The following ZNF880 variants were observed in gnomAD, a reference collection of about 807,000 sequenced individuals.
The protein encoded by ZNF880 is zinc finger protein LOC400713.
Under a neutral mutation model 11.8 loss-of-function variants are expected in ZNF880, and 12 were observed. The ratio of observed to expected loss-of-function variants is 1.02; its 90% confidence interval spans 0.65 to 1.65. The LOEUF (loss-of-function observed/expected upper bound fraction) is 1.65, where lower values mean the gene tolerates loss of function less well. ZNF880 is among the 40% of genes most tolerant of loss of function. The pLI is 0.00. For synonymous variants in ZNF880, 210 were observed against 232.4 expected (o/e 0.90, Z 0.88); for missense variants, 601 against 673.9 (o/e 0.89, Z 1.20).
Position 52,385,330 on chromosome 19 carries a change from A to T in ZNF880, c.*16A>T. The stretch of plus-strand genomic sequence containing the variant: ...GTACAGATGAAATGTGTGTGGTAAG[A>T]TCTTTAGTAATAATTCACACCTTGC... On this transcript the variant is annotated 3_prime_UTR_variant, in exon 4 of 4. Transcript: ENST00000422689. 6.5e-7 allele frequency: 1 copy of T among 1,546,652 alleles called. No homozygotes were observed. The highest frequency in any genetic ancestry group is 8.7e-7 in the Non-Finnish European group (1 of 1,143,130).
At chr19:52,369,867 G>A, upstream of ZNF880, 3 of 1,483,154 alleles carry the variant, frequency 2.0e-6, no homozygotes, top group Non-Finnish European at 2.8e-6. Context: ...GGGAAGCGCA[G>A]GCTCCGCCCA....
At chr19:52,373,419 C>T (rs1340230267) in intron 2 of ZNF880, among the ~76,000 whole-genome samples, 182 bp downstream of exon 2, 1 of 152,068 alleles carries the variant, frequency 6.6e-6, no homozygotes, top group African/African-American at 2.4e-5. Context: ...CAATAAGCTC[C>T]ATAATACTTT....
In ZNF880 at chr19:52,383,848, G is replaced by A. The variant is rs1232200751; in HGVS notation, c.269-1G>A. On this transcript the variant is annotated splice_acceptor_variant, in intron 3 of 3. Coordinates refer to ENST00000422689, the MANE Select transcript of ZNF880 (RefSeq NM_001145434.2). LOFTEE classifies it high-confidence loss of function. ...GTTCCACTTTTTTCTTTCTTTTTTA[G>A]AGAGCAGCTCTAAATTGGGAAGCAA... 1 of 1,524,954 alleles carries A rather than the reference G, an allele frequency of 6.6e-7. No individual in the cohort carries two copies. The highest frequency in any genetic ancestry group is 8.8e-7 in the Non-Finnish European group (1 of 1,138,700). The allele number at this position is 1,524,954 out of a possible 1,614,324, so 94.5% of individuals were successfully genotyped here. A position where few individuals can be genotyped will look rare whatever the true frequency, so the allele number is the denominator to read the frequency against.
the ZNF880 span, chr19:52,391,577 G>A: frequency 1.3e-5 from 2 of 152,096 alleles, no homozygotes; most frequent in Non-Finnish European, 2.9e-5. Flanking sequence ...ACAGTAATGA[G>A]GAAAGAGGGG....
rs1327569672 is a variant in ZNF880 at position 52,385,176 on chromosome 19, G to A, written c.1596G>A (p.Lys532=). 3 of 1,552,656 alleles carry A rather than the reference G, an allele frequency of 1.9e-6. No homozygotes were observed. The highest frequency in any genetic ancestry group is 2.4e-5 in the South Asian group (2 of 84,202). ...CNECGKVFSH[K]LYLKKHERIH... ...AATGTGGCAAGGTCTTCAGCCACAA[G>A]TTATACCTAAAAAAACATGAGAGAA... The change falls in exon 4 of 4, where the codon AAG becomes AAA. Residue 532 remains lysine (K), a synonymous_variant. Coordinates refer to ENST00000422689, the MANE Select transcript of ZNF880 (RefSeq NM_001145434.2).
Position 52,370,440 on chromosome 19 carries a change from A to G in ZNF880, c.12+463A>G, listed in dbSNP as rs531646455. 136 of 161,170 alleles carry G rather than the reference A, an allele frequency of 8.4e-4. 1 individual carries two copies. The highest frequency in any genetic ancestry group is 3.0e-3 in the African/African-American group (127 of 41,882). 10.0% of individuals were successfully genotyped at this position (161,170 alleles called of 1,614,324 possible). ...GGCTTTTGCTAACACCTAAATAAATATTTAGTGGACAAAATTAGGTTAGTG... is the reference window on the plus strand; with the variant it reads ...GGCTTTTGCTAACACCTAAATAAATGTTTAGTGGACAAAATTAGGTTAGTG... On this transcript the variant is annotated intron_variant, in intron 1 of 3. Transcript: ENST00000422689.
chr19:52,375,110 T>G (rs1382016580), intron 3 of ZNF880, among the ~76,000 whole-genome samples: 1 of 152,038 alleles, frequency 6.6e-6, no homozygotes, highest in Non-Finnish European at 1.5e-5. Flanking sequence ...TTTGTTTGCT[T>G]GTTTGTTTTT....
downstream of ZNF880, among the ~76,000 whole-genome samples, chr19:52,386,783 CAA>C (rs1384676727): frequency 4.5e-5 from 4 of 89,200 alleles, no homozygotes; most frequent in Admixed American, 2.8e-4. Context: ...GCCTGGGTGA[CAA>C]GAGCAAAACT....
At chr19:52,375,344 G>A (rs1271995674) in intron 3 of ZNF880, among the ~76,000 whole-genome samples, 2 of 151,034 alleles carry the variant, frequency 1.3e-5, no homozygotes, top group African/African-American at 4.9e-5. Context: ...GCACCACCAA[G>A]CCTGGCTAAT....
intron 2 of ZNF880, among the ~76,000 whole-genome samples, 174 bp downstream of exon 2, chr19:52,373,411 A>G (rs943817254): frequency 2.6e-5 from 4 of 152,270 alleles, no homozygotes; most frequent in African/African-American, 7.2e-5. Flanking sequence ...TTCAGAAACA[A>G]TAAGCTCCAT....
chr19:52,384,639 ATG>A lies in ZNF880; in HGVS notation c.1061_1062del (p.Cys354Ter), dbSNP rs1376783811. 6.2e-7 allele frequency: 1 copy of A among 1,611,900 alleles called. No individual in the cohort carries two copies. Among genetic ancestry groups the A allele is most frequent in the Non-Finnish European group, 8.5e-7 (1 of 1,178,938 alleles). On this transcript the variant is annotated frameshift_variant, in exon 4 of 4. Coordinates refer to ENST00000422689, the MANE Select transcript of ZNF880 (RefSeq NM_001145434.2). LOFTEE classifies it low-confidence loss of function (END_TRUNC). The stretch of plus-strand genomic sequence containing the variant: ...TTCACACTGGAGAGAAACTTTACAA[ATG>A]TAATAAATGTGGCAAGGTCTTCAAT... ...VIHTGEKLYK[C>X]NKCGKVFNRN...
chr19:52,384,475 A>G lies in ZNF880; in HGVS notation c.895A>G (p.Asn299Asp). The change falls in exon 4 of 4, where the codon AAT (asparagine) becomes GAT (aspartate). Residue 299 changes from asparagine (N) to aspartate (D), a missense_variant. Physicochemically the swap from Asn to Asp is conservative, Grantham distance 23. Around this residue, in one of 3 missense-constraint regions of ZNF880, gnomAD observed 420 missense variants for 442.6 expected, o/e 0.95. Transcript: ENST00000422689. Reference sequence around the variant, plus strand: ...CACTGGAGAGAAACCTTACAAATGTAATGAGTGTGGCAAGGTCTTCAACAG... The same window carrying G: ...CACTGGAGAGAAACCTTACAAATGTGATGAGTGTGGCAAGGTCTTCAACAG... The part of the protein sequence containing the change: ...IHTGEKPYKC[N>D]ECGKVFNRNA... The G allele has an allele frequency of 6.2e-7, 1 of 1,614,156 alleles. No homozygotes were observed.
the ZNF880 span, among the ~76,000 whole-genome samples, chr19:52,392,292 T>TTCTC: frequency 0.48 from 73,355 of 151,312 alleles, 18,311 homozygotes; most frequent in African/African-American, 0.58. Context: ...CTTCCTCCCT[T>TTCTC]TCTCTCTCTC....
intron 3 of ZNF880, among the ~76,000 whole-genome samples, chr19:52,382,677 A>G (rs1986738989): frequency 6.6e-6 from 1 of 152,184 alleles, no homozygotes; most frequent in East Asian, 1.9e-4. Context: ...TTTATGTGAC[A>G]AGTCTTTTTT....
chr19:52,367,795 C>G (rs1282989889), upstream of ZNF880: 2 of 152,076 alleles, frequency 1.3e-5, no homozygotes, highest in Admixed American at 1.3e-4. Context: ...TTCTACATGC[C>G]TCTTTCTTGT....
At position 52,374,205 on chromosome 19, in the gene ZNF880, C is replaced by T. The variant is rs1986483866; in HGVS notation, c.140-94C>T. The T allele has an allele frequency of 3.5e-5, 39 of 1,107,108 alleles. 1 individual carries two copies. The South Asian group carries it at 6.2e-4, about 17-fold the overall frequency. The allele number at this position is 1,107,108 out of a possible 1,614,324, so 68.6% of individuals were successfully genotyped here. A position where few individuals can be genotyped will look rare whatever the true frequency, so the allele number is the denominator to read the frequency against. ...GACTACAGGCACCCGCCACCACGCC[C>T]CGCTAATTTTTTTTTTTTTTGTATT... On this transcript the variant is annotated intron_variant, in intron 2 of 3. Coordinates refer to ENST00000422689, the MANE Select transcript of ZNF880 (RefSeq NM_001145434.2).
At chr19:52,397,566 TTCTC>T in the ZNF880 span, 1 of 152,220 alleles carries the variant, frequency 6.6e-6, no homozygotes, top group Admixed American at 6.5e-5. Flanking sequence ...ACTCTCTCTC[TTCTC>T]TCTCTTTCTG....
upstream of ZNF880, among the ~76,000 whole-genome samples, chr19:52,368,044 C>CA (rs11297392): frequency 3.2e-3 from 452 of 139,276 alleles, 1 homozygote; most frequent in African/African-American, 8.5e-3. Context: ...ACTAAAAATA[C>CA]AAAAAAAAAA....
intron 1 of ZNF880, 74 bp downstream of exon 1, chr19:52,370,051 G>A: frequency 6.5e-7 from 1 of 1,531,376 alleles, no homozygotes. Flanking sequence ...CATCTCAGGG[G>A]TCACACAGAC....
Sources: allele counts gnomAD v4.1 joint callset (sites outside exome capture counted in the v4.1 genomes callset), GRCh38; gene constraint gnomAD v4.1.1; regional missense constraint gnomAD v4.1.1; transcripts MANE v1.5; gene names NCBI Gene and HGNC (gene_info 2026-07-23, HGNC 2026-07-21).